Variants in EHBP1 observed in about 807,000 individuals in gnomAD.
EHBP1 encodes EH domain-binding protein 1.
EHBP1 carries 55 observed loss-of-function variants against 144.0 expected under a neutral mutation model. The ratio of observed to expected loss-of-function variants is 0.38; its 90% CI spans 0.31 to 0.48. The LOEUF is 0.48. EHBP1 is among the 20% of genes least tolerant of loss of function. The pLI is 0.98. For synonymous variants in EHBP1, 469 were observed against 472.7 expected (o/e 0.99, Z 0.10); for missense variants, 1,200 against 1,364.2 (o/e 0.88, Z 1.90).
In EHBP1 at chr2:62,850,238, G is replaced by A. The variant is rs116599804; in HGVS notation, c.635-8931G>A. On this transcript the variant is annotated intron_variant, in intron 7 of 22. Coordinates refer to ENST00000431489, the MANE Select transcript of EHBP1 (RefSeq NM_001142616.3). ...TTAAAATAAGACATACCTGAATCTC[G>A]TTATAATTTAGAGAATAACGAAGGT... Among the ~76,000 whole-genome samples the A allele has an allele frequency of 4.8e-3, 724 of 152,240 alleles. 4 individuals carry two copies. Among genetic ancestry groups the A allele is most frequent in the African/African-American group, 0.017 (690 of 41,538 alleles).
At chr2:63,015,616 G>C (rs902694910) in intron 19 of EHBP1, among the ~76,000 whole-genome samples, 2 of 151,882 alleles carry the variant, frequency 1.3e-5, no homozygotes, top group Non-Finnish European at 1.5e-5. Context: ...CAAGCAGCTG[G>C]GACTACAGGC....
At chr2:63,030,475 T>C (rs950379713) in intron 19 of EHBP1, among the ~76,000 whole-genome samples, 5 of 152,056 alleles carry the variant, frequency 3.3e-5, no homozygotes, top group Non-Finnish European at 7.4e-5. Context: ...AATATTGCTT[T>C]TCTCCACTTC....
At chr2:62,780,950 T>A (rs1186419767) in intron 5 of EHBP1, among the ~76,000 whole-genome samples, 1 of 152,216 alleles carries the variant, frequency 6.6e-6, no homozygotes, top group Non-Finnish European at 1.5e-5. Context: ...ACATTACAGA[T>A]CAAGTACTGC....
intron 7 of EHBP1, among the ~76,000 whole-genome samples, chr2:62,855,831 G>T (rs372185430): frequency 2.0e-5 from 3 of 152,010 alleles, no homozygotes; most frequent in African/African-American, 7.2e-5. Flanking sequence ...GGAGCAACCC[G>T]TTCCAGGGCC....
chr2:62,830,193 C>CAT (rs2046720409), intron 6 of EHBP1, among the ~76,000 whole-genome samples: 4 of 106,522 alleles, frequency 3.8e-5, no homozygotes, highest in Non-Finnish European at 6.1e-5. Context: ...CACACACACA[C>CAT]ACATATATAT....
At chr2:62,897,678 C>T (rs1195601155) in intron 10 of EHBP1, among the ~76,000 whole-genome samples, 1 of 152,156 alleles carries the variant, frequency 6.6e-6, no homozygotes, top group Admixed American at 6.6e-5. Context: ...TTCCAAACTT[C>T]TTCTCAACAT....
At chr2:62,910,062 GT>G (rs1194886308) in intron 10 of EHBP1, among the ~76,000 whole-genome samples, 1 of 152,096 alleles carries the variant, frequency 6.6e-6, no homozygotes. Context: ...GCCAGAATGT[GT>G]TTTTAATCGA....
chr2:62,992,113 G>C (rs1243704342), intron 16 of EHBP1, among the ~76,000 whole-genome samples: 1 of 152,090 alleles, frequency 6.6e-6, no homozygotes, highest in Non-Finnish European at 1.5e-5. Flanking sequence ...GTCATAAAAA[G>C]GTTTCTTAAG....
At chr2:62,717,820 A>G (rs2035834992) in intron 2 of EHBP1, among the ~76,000 whole-genome samples, 1 of 152,180 alleles carries the variant, frequency 6.6e-6, no homozygotes, top group Non-Finnish European at 1.5e-5. Flanking sequence ...TTAAAATAAT[A>G]CCATGTTGAC....
intron 7 of EHBP1, among the ~76,000 whole-genome samples, chr2:62,840,868 A>G (rs1248119973): frequency 6.6e-6 from 1 of 152,100 alleles, no homozygotes; most frequent in East Asian, 1.9e-4. Context: ...GTGGAGAAAT[A>G]GGAACACTTT....
intron 3 of EHBP1, among the ~76,000 whole-genome samples, chr2:62,749,233 G>C (rs2039445007): frequency 6.6e-6 from 1 of 152,050 alleles, no homozygotes; most frequent in African/African-American, 2.4e-5. Context: ...AGAACATGCA[G>C]TGTTTGGTTT....
chr2:62,756,519 A>G (rs574224768), intron 3 of EHBP1, among the ~76,000 whole-genome samples: 3 of 152,336 alleles, frequency 2.0e-5, no homozygotes, highest in African/African-American at 7.2e-5. Context: ...CTGTAATCCC[A>G]GCACTTTGGG....
intron 14 of EHBP1, among the ~76,000 whole-genome samples, chr2:62,972,191 G>A (rs544722023): frequency 1.3e-5 from 2 of 152,172 alleles, no homozygotes; most frequent in South Asian, 2.1e-4. Flanking sequence ...TTTGAAAGAG[G>A]AATGGTCAAA....
rs552343583 is a variant in EHBP1, at chr2:62,906,432, C to A, written c.1185+31900C>A. ...CAAAGTTATCTTGGCTATTTTAGAT[C>A]CTTTGCATTTCCATATGAACTTTAG... On this transcript the variant is annotated intron_variant, in intron 10 of 22. Coordinates refer to ENST00000431489, the MANE Select transcript of EHBP1 (RefSeq NM_001142616.3). Among the ~76,000 whole-genome samples, 10 of 152,214 alleles carry A rather than the reference C, an allele frequency of 6.6e-5. No homozygotes were observed. In the South Asian group the frequency reaches 2.1e-3, roughly 32 times the overall value.
At chr2:62,892,211 A>G (rs1280377451) in intron 10 of EHBP1, among the ~76,000 whole-genome samples, 3 of 152,072 alleles carry the variant, frequency 2.0e-5, no homozygotes, top group African/African-American at 7.2e-5. Flanking sequence ...TTCCACCACC[A>G]CCACGTGTTA....
chr2:62,855,440 G>C (rs1028944211), intron 7 of EHBP1, among the ~76,000 whole-genome samples: 2 of 152,146 alleles, frequency 1.3e-5, no homozygotes, highest in African/African-American at 4.8e-5. Context: ...ATGAATGGCA[G>C]CAGGAGGTAG....
rs750909932 is a variant in EHBP1 at position 62,948,352 on chromosome 2, G to T, written c.1506G>T (p.Met502Ile). Residue 502 changes from methionine to isoleucine, a missense_variant, in exon 13 of 23, where the codon ATG becomes ATT. By Grantham distance (10) the Met-to-Ile change is conservative (BLOSUM62 1). This residue lies in a region of EHBP1 where 94 missense variants were observed against 143.0 expected (regional missense o/e 0.66). Coordinates refer to ENST00000431489, the MANE Select transcript of EHBP1 (RefSeq NM_001142616.3). ...LLAIPDKLTV[M>I]TYLYQIRAHF... ...CAATTCCTGATAAACTGACTGTTAT[G>T]ACTTATCTCTATCAAATAAGGGCAC... 1.2e-6 allele frequency: 2 copies of T among 1,613,618 alleles called. No individual in the cohort carries two copies. Among genetic ancestry groups the T allele is most frequent in the South Asian group, 2.2e-5 (2 of 90,944 alleles).
At chr2:62,836,152 G>A (rs1351608697) in intron 7 of EHBP1, among the ~76,000 whole-genome samples, 21 of 152,082 alleles carry the variant, frequency 1.4e-4, no homozygotes, top group East Asian at 3.9e-4. Context: ...TCTGAGAACC[G>A]GCAGACTGCC....
chr2:62,873,579 C>T (rs949337464), intron 9 of EHBP1, among the ~76,000 whole-genome samples: 1 of 152,144 alleles, frequency 6.6e-6, no homozygotes, highest in Middle Eastern at 3.4e-3. Flanking sequence ...GATAATTTTT[C>T]AGAACCGATA....
Sources: gnomAD v4.1 joint callset for allele counts (sites outside exome capture counted in the v4.1 genomes callset) on GRCh38, gnomAD v4.1.1 for gene constraint, gnomAD v4.1.1 regional missense constraint, MANE v1.5 for transcripts, NCBI Gene and HGNC (gene_info 2026-07-23, HGNC 2026-07-21) for gene names.